MLPH: variants seen among roughly 807,000 people sequenced by gnomAD.
The protein encoded by MLPH is exophilin-3.
MLPH carries 51 observed loss-of-function variants against 72.1 expected under a neutral mutation model. The ratio of observed to expected loss-of-function variants is 0.71; its 90% confidence interval spans 0.56 to 0.89. The LOEUF (loss-of-function observed/expected upper bound fraction) is 0.89, where lower values mean the gene tolerates loss of function less well. MLPH is among the 40% of genes least tolerant of loss of function. The pLI, the probability that MLPH is intolerant of heterozygous loss-of-function variation, is 0.00. For synonymous variants in MLPH, 301 were observed against 310.1 expected (o/e 0.97, Z 0.31); for missense variants, 743 against 759.9 (o/e 0.98, Z 0.26).
Position 237,534,656 on chromosome 2 carries a change from G to A in MLPH, c.1104+9G>A. The A allele has an allele frequency of 6.2e-7, 1 of 1,612,210 alleles. No individual in the cohort carries two copies. The highest frequency in any genetic ancestry group is 1.1e-5 in the South Asian group (1 of 91,024). On this transcript the variant is annotated intron_variant, in intron 9 of 15. Transcript: ENST00000264605. ...TGCCTCCCTTGGCCAAGGTAACACT[G>A]GGGGCTGGGCAAAGAGAAAGGGCCC...
intron 6 of MLPH, among the ~76,000 whole-genome samples, chr2:237,520,840 A>G (rs2080167253): frequency 6.6e-6 from 1 of 152,192 alleles, no homozygotes; most frequent in African/African-American, 2.4e-5. Flanking sequence ...TTTGGAAGTG[A>G]AGCCAGATTT....
chr2:237,508,053 C>G (rs1449298595), intron 2 of MLPH, among the ~76,000 whole-genome samples: 1 of 152,182 alleles, frequency 6.6e-6, no homozygotes, highest in Non-Finnish European at 1.5e-5. Flanking sequence ...TTCAAAAAGA[C>G]TCATAACTTT....
chr2:237,543,064 ACGGTAGTGAG>A (rs1574900945), intron 12 of MLPH, among the ~76,000 whole-genome samples: 2 of 56,734 alleles, frequency 3.5e-5, no homozygotes, highest in East Asian at 8.7e-4. Flanking sequence ...GTGAGTGGGC[ACGGTAGTGAG>A]TGGGGAGACA....
At position 237,510,547 on chromosome 2, in the gene MLPH, A is replaced by T. The variant is rs1432526257; in HGVS notation, c.111-27A>T. 10 of 1,607,826 alleles carry T rather than the reference A, an allele frequency of 6.2e-6. No individual in the cohort carries two copies. The highest frequency in any genetic ancestry group is 8.5e-6 in the Non-Finnish European group (10 of 1,176,008). ...GTTGCAAAAACAAGATGCCCAATAT[A>T]TTTCTTGTTTCTGATATTTTCCCAA... On this transcript the variant is annotated intron_variant, in intron 2 of 15. Transcript: ENST00000264605. The surrounding 1 kb of genome is among the most constrained non-coding windows in gnomAD (Gnocchi z 4.4).
chr2:237,518,185 T>G, intron 4 of MLPH: 1 of 376,488 alleles, frequency 2.7e-6, no homozygotes, highest in South Asian at 2.2e-5. Flanking sequence ...ACTGATTGAG[T>G]GGGTGGATGG....
intron 2 of MLPH, among the ~76,000 whole-genome samples, chr2:237,506,623 G>A (rs1158308193): frequency 2.6e-5 from 4 of 152,194 alleles, no homozygotes; most frequent in Admixed American, 2.6e-4. Context: ...ACAGGACAGG[G>A]ATTTTCACAA....
intron 4 of MLPH, among the ~76,000 whole-genome samples, chr2:237,516,348 C>G (rs1574857635): frequency 6.6e-6 from 1 of 152,102 alleles, no homozygotes; most frequent in Non-Finnish European, 1.5e-5. Context: ...GCTAGGGAGG[C>G]CAGGCCCAGG....
At chr2:237,498,805 A>G (rs1047232701) in intron 2 of MLPH, among the ~76,000 whole-genome samples, 10 of 152,258 alleles carry the variant, frequency 6.6e-5, no homozygotes, top group African/African-American at 2.4e-4. Flanking sequence ...GCTGTGCACC[A>G]TAGAATCGAA....
At chr2:237,538,246 G>A (rs540160723) in intron 9 of MLPH, among the ~76,000 whole-genome samples, 50 of 152,308 alleles carry the variant, frequency 3.3e-4, no homozygotes, top group Non-Finnish European at 5.7e-4. Context: ...CGGGGCCTGC[G>A]TCTGCTGAAG....
In MLPH at chr2:237,540,347, G is replaced by A; in HGVS notation, c.1105-1G>A. On this transcript the variant is annotated splice_acceptor_variant, in intron 9 of 15. Transcript: ENST00000264605. LOFTEE classifies it high-confidence loss of function. ...CCAAATCCACTGGCCTGTTCTGTCA[G>A]GGTCTAGGTGCTGGAGTGCGCACGG... 6.2e-7 allele frequency: 1 copy of A among 1,613,550 alleles called. No homozygotes were observed. The highest frequency in any genetic ancestry group is 1.7e-5 in the Admixed American group (1 of 60,008).
chr2:237,501,291 A>G (rs1410925943), intron 2 of MLPH, among the ~76,000 whole-genome samples: 1 of 151,768 alleles, frequency 6.6e-6, no homozygotes. Flanking sequence ...CTTCATCTCT[A>G]TTGTCTCCTT....
chr2:237,550,260 C>T (rs2081005480), intron 14 of MLPH, among the ~76,000 whole-genome samples: 1 of 152,202 alleles, frequency 6.6e-6, no homozygotes, highest in African/African-American at 2.4e-5. Context: ...CACATCAATC[C>T]CTCTTTCCAG....
chr2:237,518,509 T>C (rs753060093), intron 4 of MLPH, 30 bp from the exon 5 acceptor site: 1 of 1,572,698 alleles, frequency 6.4e-7, no homozygotes, highest in East Asian at 2.3e-5. Flanking sequence ...TGTTTGTCCT[T>C]GGGTGGAGTC....
chr2:237,489,976 T>G (rs2079395945), intron 1 of MLPH, among the ~76,000 whole-genome samples: 1 of 152,212 alleles, frequency 6.6e-6, no homozygotes, highest in African/African-American at 2.4e-5. Flanking sequence ...ACTATGGCTA[T>G]TCAACTGCTG....
At chr2:237,530,381 A>C (rs1474944040) in intron 8 of MLPH, among the ~76,000 whole-genome samples, 2 of 152,346 alleles carry the variant, frequency 1.3e-5, no homozygotes, top group South Asian at 2.1e-4. Context: ...TCTACCAAAA[A>C]TGAGCACCTG....
chr2:237,522,133 G>C (rs10176883), intron 6 of MLPH, among the ~76,000 whole-genome samples: 829 of 67,892 alleles, frequency 0.012, 60 homozygotes, highest in African/African-American at 0.068. Flanking sequence ...TGAGACTGGG[G>C]TTGGGCCTTC....
At chr2:237,495,293 T>A (rs1204403583) in intron 2 of MLPH, among the ~76,000 whole-genome samples, 1 of 152,204 alleles carries the variant, frequency 6.6e-6, no homozygotes, top group Admixed American at 6.5e-5. Flanking sequence ...TGTCATTCCA[T>A]CGGCAAAGTC....
chr2:237,497,116 C>T lies in MLPH; in HGVS notation c.110+3580C>T, dbSNP rs188769705. On this transcript the variant is annotated intron_variant, in intron 2 of 15. Coordinates refer to ENST00000264605, the MANE Select transcript of MLPH (RefSeq NM_024101.7). ...TAAGGAGCACACAGGCTAGATCCCT[C>T]GCAAGCACAGTTCACAACAGACAAC... Among the ~76,000 whole-genome samples the T allele has an allele frequency of 2.7e-3, 411 of 152,298 alleles. 2 individuals are homozygous for T. Among genetic ancestry groups the T allele is most frequent in the African/African-American group, 9.6e-3 (399 of 41,558 alleles).
At position 237,512,430 on chromosome 2, in the gene MLPH, G is replaced by A. The variant is rs1456893739; in HGVS notation, c.445+1329G>A. ...GGCTGCACTTTTTGGGTGGTGGGGTGGGGATGGGGGCAGGTATGATCAATC... is the reference window on the plus strand; with the variant it reads ...GGCTGCACTTTTTGGGTGGTGGGGTAGGGATGGGGGCAGGTATGATCAATC... On this transcript the variant is annotated intron_variant, in intron 4 of 15. Transcript: ENST00000264605. This position sits in a 1 kb window ranked among gnomAD's most constrained non-coding sequence, Gnocchi z 5.5. Among the ~76,000 whole-genome samples, 1 of 152,174 alleles carries A rather than the reference G, an allele frequency of 6.6e-6. No individual in the cohort carries two copies.
Sources: gnomAD v4.1 joint callset for allele counts (sites outside exome capture counted in the v4.1 genomes callset) on GRCh38, gnomAD v4.1.1 for gene constraint, Gnocchi (gnomAD v3.1) non-coding constraint, MANE v1.5 for transcripts, NCBI Gene and HGNC (gene_info 2026-07-23, HGNC 2026-07-21) for gene names.